Variants in ZSCAN4 observed in about 807,000 individuals in gnomAD.
The protein encoded by ZSCAN4 is zinc finger and SCAN domain containing 4.
Under a neutral mutation model 18.3 loss-of-function variants are expected in ZSCAN4, and 18 were observed. That is an observed-to-expected ratio of 0.98 (90% CI 0.68 to 1.46). ZSCAN4 has a LOEUF of 1.46. ZSCAN4 is among the 40% of genes most tolerant of loss of function. The pLI, the probability that ZSCAN4 is intolerant of heterozygous loss-of-function variation, is 0.00. For synonymous variants in ZSCAN4, 193 were observed against 180.3 expected, an observed-to-expected ratio of 1.07 and a Z score of -0.57; for missense variants, 498 against 511.4, an observed-to-expected ratio of 0.97 and a Z score of 0.25.
chr19:57,679,016 G>C, exon 5 of ZSCAN4: 1 of 1,268,606 alleles, frequency 7.9e-7, no homozygotes, highest in Non-Finnish European at 1.0e-6. Flanking sequence ...TCAATTTATT[G>C]TCTTGCTTCA....
rs756869659 is a variant in ZSCAN4, at chr19:57,676,191, A to G, written c.46A>G (p.Asn16Asp). ...CATATTTCAGTGTGAACCATCCGAGAATAATCTTGGATCAGAAAATTCAGC... is the reference window on the plus strand; with the variant it reads ...CATATTTCAGTGTGAACCATCCGAGGATAATCTTGGATCAGAAAATTCAGC... The change falls in exon 3 of 5, where the codon AAT becomes GAT. Residue 16 changes from asparagine (N) to aspartate (D), a missense_variant. Asn to Asp is a conservative substitution (Grantham distance 23). Coordinates refer to ENST00000318203, the Ensembl canonical transcript of ZSCAN4. 3 of 1,614,090 alleles carry G rather than the reference A, an allele frequency of 1.9e-6. No individual in the cohort carries two copies. In the East Asian group the frequency reaches 6.7e-5, roughly 36 times the overall value.
At chr19:57,666,805 C>T (rs1045135823), upstream of ZSCAN4, among the ~76,000 whole-genome samples, 2 of 152,118 alleles carry the variant, frequency 1.3e-5, no homozygotes, top group Non-Finnish European at 2.9e-5. Flanking sequence ...GAGCCAAGAT[C>T]GTGCCACTGC....
chr19:57,673,089 C>T (rs929007844), intron 2 of ZSCAN4, among the ~76,000 whole-genome samples: 1 of 152,016 alleles, frequency 6.6e-6, no homozygotes, highest in Non-Finnish European at 1.5e-5. Context: ...CACTCTGTCG[C>T]CCAGGCTGGA....
intron 2 of ZSCAN4, among the ~76,000 whole-genome samples, chr19:57,672,329 T>C (rs1984048253): frequency 6.6e-6 from 1 of 152,064 alleles, no homozygotes; most frequent in African/African-American, 2.4e-5. Context: ...CACAACACAG[T>C]GGGTGTAGCT....
At chr19:57,676,658 G>C (rs539014084) in intron 3 of ZSCAN4, 117 bp downstream of exon 3, 10 of 1,154,062 alleles carry the variant, frequency 8.7e-6, no homozygotes, top group Non-Finnish European at 1.2e-5. Flanking sequence ...TTATTAGTCA[G>C]CTCACACTCT....
intron 3 of ZSCAN4, among the ~76,000 whole-genome samples, chr19:57,677,575 AATAT>A (rs1178231903): frequency 6.6e-6 from 1 of 152,210 alleles, no homozygotes; most frequent in Non-Finnish European, 1.5e-5. Flanking sequence ...ATTAATCAAT[AATAT>A]ATATTAAATG....
chr19:57,668,104 A>T (rs909168960), upstream of ZSCAN4, among the ~76,000 whole-genome samples: 5 of 151,800 alleles, frequency 3.3e-5, no homozygotes, highest in African/African-American at 1.2e-4. Context: ...AGGTTTCATC[A>T]TGTTGGCCAG....
At chr19:57,652,157 A>C in the ZSCAN4 span, among the ~76,000 whole-genome samples, 2 of 151,932 alleles carry the variant, frequency 1.3e-5, no homozygotes, top group Admixed American at 6.6e-5. Context: ...AGGGCTCCTA[A>C]AAACCCCCTC....
chr19:57,658,913 T>A, the ZSCAN4 span, among the ~76,000 whole-genome samples: 6 of 150,384 alleles, frequency 4.0e-5, no homozygotes, highest in African/African-American at 1.2e-4. Flanking sequence ...ATAAAGAACA[T>A]CTGCAAAATC....
exon 5 of ZSCAN4, chr19:57,678,962 A>T: frequency 6.8e-7 from 1 of 1,476,946 alleles, no homozygotes; most frequent in East Asian, 2.3e-5. Context: ...TTCCTATAGT[A>T]TTTATCTACT....
At chr19:57,678,665 C>T (rs1287372112) in exon 5 of ZSCAN4, 1 of 1,613,996 alleles carries the variant, frequency 6.2e-7, no homozygotes, top group Admixed American at 1.7e-5. Context: ...AGATATCAGA[C>T]CTACGGGTGC....
chr19:57,662,080 CAA>C, the ZSCAN4 span, among the ~76,000 whole-genome samples: 3 of 139,446 alleles, frequency 2.2e-5, no homozygotes, highest in Non-Finnish European at 1.5e-5. Flanking sequence ...GACTCTGTCT[CAA>C]AAAAAAAAAA....
exon 5 of ZSCAN4, chr19:57,678,645 G>A (rs1156686075): frequency 1.9e-6 from 3 of 1,614,058 alleles, no homozygotes; most frequent in Non-Finnish European, 2.5e-6. Context: ...GTGTCAAAAA[G>A]GCTTCTTCCA....
rs1002579740 is a variant in ZSCAN4, at chr19:57,670,431, C to T, written c.-242C>T. ...TCAACAGACAAGTGTTATCCAATCA[C>T]GTCTTTAAATCAATCACTGATCCCA... On this transcript the variant is annotated 5_prime_UTR_variant, in exon 2 of 5. The change creates a new upstream start codon in the 5' untranslated region. Coordinates refer to ENST00000318203, the Ensembl canonical transcript of ZSCAN4. The T allele has an allele frequency of 2.0e-5, 3 of 152,092 alleles. No homozygotes were observed. The highest frequency in any genetic ancestry group is 2.9e-5 in the Non-Finnish European group (2 of 68,044). The allele number at this position is 152,092 out of a possible 1,614,324, so 9.4% of individuals were successfully genotyped here. A position where few individuals can be genotyped will look rare whatever the true frequency, so the allele number is the denominator to read the frequency against.
At chr19:57,652,979 C>A in the ZSCAN4 span, among the ~76,000 whole-genome samples, 3 of 152,096 alleles carry the variant, frequency 2.0e-5, no homozygotes, top group African/African-American at 7.2e-5. Context: ...CACTGATGCT[C>A]TCCACCACCA....
At chr19:57,662,762 G>A in the ZSCAN4 span, among the ~76,000 whole-genome samples, 55 of 152,224 alleles carry the variant, frequency 3.6e-4, no homozygotes, top group Non-Finnish European at 6.8e-4. Context: ...GTTTCACCAT[G>A]TTGGCCAGGC....
the ZSCAN4 span, among the ~76,000 whole-genome samples, chr19:57,655,213 T>C: frequency 1.3e-5 from 2 of 152,194 alleles, no homozygotes; most frequent in Non-Finnish European, 2.9e-5. Context: ...TACTTCTGGC[T>C]ATGGATTCCC....
exon 5 of ZSCAN4, chr19:57,678,498 G>A (rs770348352): frequency 1.2e-6 from 2 of 1,614,162 alleles, no homozygotes; most frequent in Non-Finnish European, 1.7e-6. Context: ...TTCCACATGT[G>A]AGGTACATCA....
the ZSCAN4 span, among the ~76,000 whole-genome samples, chr19:57,655,872 C>T: frequency 6.6e-6 from 1 of 152,006 alleles, no homozygotes. Flanking sequence ...CTTTAAAGAG[C>T]CATGTCTTGC....
Sources: allele counts gnomAD v4.1 joint callset (sites outside exome capture counted in the v4.1 genomes callset), GRCh38; gene constraint gnomAD v4.1.1; transcripts MANE v1.5; gene names NCBI Gene and HGNC (gene_info 2026-07-23, HGNC 2026-07-21).